The following SRD5A2 variants were observed in gnomAD, a reference collection of about 807,000 sequenced individuals.
SRD5A2 encodes 3-oxo-5-alpha-steroid 4-dehydrogenase 2.
SRD5A2 carries 30 observed loss-of-function variants against 27.4 expected under a neutral mutation model. The ratio of observed to expected loss-of-function variants is 1.10; its 90% CI spans 0.82 to 1.49. The LOEUF is 1.49. Ranked by LOEUF, SRD5A2 falls within the 40% of genes most tolerant of loss-of-function variation. The probability of loss-of-function intolerance (pLI) is 0.00; values close to 1 mark genes in which losing one functional copy is unlikely to be tolerated. For synonymous variants in SRD5A2, 141 were observed against 133.6 expected (o/e 1.06, Z -0.38); for missense variants, 348 against 323.4 (o/e 1.08, Z -0.58).
chr2:31,601,267 A>T, the SRD5A2 span, among the ~76,000 whole-genome samples: 1 of 152,090 alleles, frequency 6.6e-6, no homozygotes, highest in East Asian at 1.9e-4. Context: ...AATAAAAACA[A>T]CCATCAGAGA....
chr2:31,645,709 A>G, the SRD5A2 span, among the ~76,000 whole-genome samples: 7 of 152,370 alleles, frequency 4.6e-5, no homozygotes, highest in Admixed American at 3.9e-4. Flanking sequence ...CTTGGATAAT[A>G]TGAGTTTCTC....
At chr2:31,639,374 T>A in the SRD5A2 span, among the ~76,000 whole-genome samples, 3 of 152,112 alleles carry the variant, frequency 2.0e-5, no homozygotes, top group Admixed American at 6.6e-5. Context: ...AGGAATTGCA[T>A]ACCACAAAAA....
At chr2:31,557,926 C>T (rs933319461) in intron 1 of SRD5A2, among the ~76,000 whole-genome samples, 9 of 152,222 alleles carry the variant, frequency 5.9e-5, no homozygotes, top group Non-Finnish European at 8.8e-5. Flanking sequence ...TCAGGTTGAA[C>T]AATCCTCTGA....
the SRD5A2 span, among the ~76,000 whole-genome samples, chr2:31,608,255 A>C: frequency 1.3e-5 from 2 of 152,026 alleles, no homozygotes; most frequent in East Asian, 3.9e-4. Context: ...AAGTGGTAAG[A>C]TTTCTATTTT....
the SRD5A2 span, among the ~76,000 whole-genome samples, chr2:31,604,504 C>T: frequency 1.3e-5 from 2 of 151,642 alleles, no homozygotes; most frequent in Non-Finnish European, 3.0e-5. Context: ...ATTTCTATAT[C>T]CCAACAGTGA....
the SRD5A2 span, among the ~76,000 whole-genome samples, chr2:31,586,655 A>C: frequency 6.6e-6 from 1 of 152,234 alleles, no homozygotes; most frequent in South Asian, 2.1e-4. Context: ...AAAGCAGTAC[A>C]TCTAGAAACT....
the SRD5A2 span, among the ~76,000 whole-genome samples, chr2:31,650,003 A>G: frequency 6.6e-6 from 1 of 152,276 alleles, no homozygotes; most frequent in East Asian, 1.9e-4. Flanking sequence ...AATTACAGGT[A>G]AAGCTCAACA....
intron 1 of SRD5A2, among the ~76,000 whole-genome samples, chr2:31,555,805 CA>C (rs1666482516): frequency 1.3e-5 from 2 of 152,034 alleles, no homozygotes; most frequent in South Asian, 4.1e-4. Context: ...CAGACTTTTC[CA>C]AATGTAAACC....
the SRD5A2 span, among the ~76,000 whole-genome samples, chr2:31,590,036 C>T: frequency 1.3e-5 from 2 of 152,040 alleles, no homozygotes; most frequent in Middle Eastern, 3.2e-3. Context: ...AGTAGAGGCA[C>T]CCATAATCCC....
At chr2:31,554,984 T>TGTGTGTGTGTGTGTG (rs1666466133) in intron 1 of SRD5A2, among the ~76,000 whole-genome samples, 1 of 149,314 alleles carries the variant, frequency 6.7e-6, no homozygotes, top group Admixed American at 6.7e-5. Flanking sequence ...TGTGTGTGTG[T>TGTGTGTGTGTGTGTG]TACCGCCAGG....
chr2:31,645,816 T>A, the SRD5A2 span, among the ~76,000 whole-genome samples: 1 of 152,168 alleles, frequency 6.6e-6, no homozygotes, highest in African/African-American at 2.4e-5. Flanking sequence ...TGCAATTGAT[T>A]GATGTGTTTA....
At chr2:31,569,677 C>CAAAAAAAAAAAAAACA (rs11421066) in intron 1 of SRD5A2, among the ~76,000 whole-genome samples, 1 of 138,576 alleles carries the variant, frequency 7.2e-6, no homozygotes, top group Non-Finnish European at 1.6e-5. Flanking sequence ...AAACAAAAAA[C>CAAAAAAAAAAAAAACA]AAAAAAAAAA....
rs764724788 is a variant in SRD5A2 at position 31,531,484 on chromosome 2, A to G, written c.446-12T>C. Reference sequence around the variant, plus strand: ...AAATAAGAAGACACCTTGACAAAGAAGAGAGAAAGGAGAAATTTTTTTTAA... The same window carrying G: ...AAATAAGAAGACACCTTGACAAAGAGGAGAGAAAGGAGAAATTTTTTTTAA... On this transcript the variant is annotated splice_polypyrimidine_tract_variant and intron_variant, in intron 2 of 4. Transcript: ENST00000622030. 1.3e-6 allele frequency: 2 copies of G among 1,565,658 alleles called. No homozygotes were observed. The highest frequency in any genetic ancestry group is 2.3e-5 in the South Asian group (2 of 85,444).
intron 4 of SRD5A2, among the ~76,000 whole-genome samples, chr2:31,528,560 G>T (rs1665830602): frequency 6.6e-6 from 1 of 152,144 alleles, no homozygotes; most frequent in Admixed American, 6.5e-5. Flanking sequence ...TTGAGGTCAG[G>T]AGTTCAAGGA....
At chr2:31,620,934 A>C in the SRD5A2 span, among the ~76,000 whole-genome samples, 1 of 147,104 alleles carries the variant, frequency 6.8e-6, no homozygotes, top group Non-Finnish European at 1.5e-5. Context: ...ATATATATAA[A>C]ATTATATTTT....
chr2:31,535,221 C>T (rs1041771744), intron 1 of SRD5A2, among the ~76,000 whole-genome samples: 3 of 152,092 alleles, frequency 2.0e-5, no homozygotes, highest in African/African-American at 7.2e-5. Context: ...AGAGTTTCAC[C>T]ATATTGGCCA....
intron 1 of SRD5A2, among the ~76,000 whole-genome samples, chr2:31,564,209 G>A (rs1572650145): frequency 6.6e-6 from 1 of 151,946 alleles, no homozygotes; most frequent in Admixed American, 6.6e-5. Flanking sequence ...TAGGGACATG[G>A]AAGAGAGAAA....
the SRD5A2 span, among the ~76,000 whole-genome samples, chr2:31,589,254 A>G: frequency 3.3e-5 from 5 of 152,218 alleles, no homozygotes; most frequent in Non-Finnish European, 4.4e-5. Flanking sequence ...GAGCTTGTAC[A>G]GTGCATGGAT....
chr2:31,531,980 C>T (rs1327865858), intron 2 of SRD5A2, among the ~76,000 whole-genome samples: 1 of 152,138 alleles, frequency 6.6e-6, no homozygotes, highest in African/African-American at 2.4e-5. Flanking sequence ...AAATCGTTTG[C>T]TTTTCTGATA....
Sources: gnomAD v4.1 joint callset for allele counts (sites outside exome capture counted in the v4.1 genomes callset) on GRCh38, gnomAD v4.1.1 for gene constraint, MANE v1.5 for transcripts, NCBI Gene and HGNC (gene_info 2026-07-23, HGNC 2026-07-21) for gene names.